The following METTL15 variants were observed in gnomAD, a reference collection of about 807,000 sequenced individuals.
METTL15 encodes 12S rRNA N(4)-cytidine methyltransferase METTL15.
A neutral mutation model predicts 38.3 loss-of-function variants in METTL15; 34 were observed. The observed-to-expected ratio is 0.89, with a 90% CI of 0.68 to 1.18. METTL15 has a LOEUF of 1.18. METTL15 is among the 50% of genes most tolerant of loss of function. The pLI is 0.00. For synonymous variants in METTL15, 162 were observed against 170.9 expected (o/e 0.95, Z 0.41); for missense variants, 438 against 498.4 (o/e 0.88, Z 1.15).
At chr11:28,400,233 CT>C (rs11316701) in intron 5 of METTL15, among the ~76,000 whole-genome samples, 61,252 of 150,148 alleles carry the variant, frequency 0.41, 14,178 homozygotes, top group Admixed American at 0.53. Flanking sequence ...CAAATTTTCT[CT>C]TTTTTTTTTC....
intron 3 of METTL15, among the ~76,000 whole-genome samples, chr11:28,126,379 C>T (rs570882402): frequency 2.0e-4 from 31 of 152,136 alleles, no homozygotes; most frequent in South Asian, 1.0e-3. Context: ...CCTTCTCTAC[C>T]GCCTTCCTCC....
chr11:28,484,445 G>A (rs958015275), intron 6 of METTL15, among the ~76,000 whole-genome samples: 8 of 152,162 alleles, frequency 5.3e-5, no homozygotes, highest in African/African-American at 2.4e-5. Context: ...TCCAGTGGAT[G>A]CCCAGCCTAC....
intron 3 of METTL15, among the ~76,000 whole-genome samples, chr11:28,132,750 T>C (rs2133637073): frequency 6.6e-6 from 1 of 152,304 alleles, no homozygotes; most frequent in South Asian, 2.1e-4. Flanking sequence ...CAGTTGCTTG[T>C]GTTTTGTTTT....
At chr11:28,459,591 G>A (rs1368820141) in intron 6 of METTL15, among the ~76,000 whole-genome samples, 1 of 152,072 alleles carries the variant, frequency 6.6e-6, no homozygotes, top group Non-Finnish European at 1.5e-5. Flanking sequence ...TCAATTTTAG[G>A]AGTTGGGAAA....
chr11:28,137,573 CT>C (rs1247995039), intron 3 of METTL15, among the ~76,000 whole-genome samples: 1 of 152,166 alleles, frequency 6.6e-6, no homozygotes, highest in Non-Finnish European at 1.5e-5. Flanking sequence ...GTCCTCAAGC[CT>C]TATCAAATTG....
intron 6 of METTL15, among the ~76,000 whole-genome samples, chr11:28,313,205 T>C (rs1052321752): frequency 6.6e-6 from 1 of 152,162 alleles, no homozygotes; most frequent in Non-Finnish European, 1.5e-5. Context: ...TATAAGATTA[T>C]TGTAATGATT....
chr11:28,192,332 A>C (rs765946039), intron 3 of METTL15, among the ~76,000 whole-genome samples: 1 of 151,866 alleles, frequency 6.6e-6, no homozygotes, highest in Non-Finnish European at 1.5e-5. Context: ...CCAAAATAAT[A>C]GTTGATTTTG....
chr11:28,374,498 T>C (rs867564805), intron 5 of METTL15, among the ~76,000 whole-genome samples: 1 of 140,172 alleles, frequency 7.1e-6, no homozygotes, highest in Middle Eastern at 3.6e-3. Flanking sequence ...ATGCTTGTGA[T>C]TTTTGTACAT....
At chr11:28,300,124 G>A (rs369706173) in intron 6 of METTL15, among the ~76,000 whole-genome samples, 102 of 152,152 alleles carry the variant, frequency 6.7e-4, no homozygotes, top group African/African-American at 2.3e-3. Context: ...ACGTAGACAT[G>A]AATTGTGGGG....
chr11:28,159,258 A>G (rs1465203691), intron 3 of METTL15, among the ~76,000 whole-genome samples: 3 of 152,136 alleles, frequency 2.0e-5, no homozygotes, highest in Non-Finnish European at 4.4e-5. Context: ...AGATGAAATC[A>G]GTCTACTACG....
intron 3 of METTL15, among the ~76,000 whole-genome samples, chr11:28,139,959 G>A (rs917373722): frequency 1.7e-3 from 2 of 1,146 alleles, no homozygotes; most frequent in African/African-American, 1.9e-3. Context: ...GGGGTGGAAA[G>A]ACTCTGTGGA....
chr11:28,457,350 G>A (rs1564936717), intron 6 of METTL15, among the ~76,000 whole-genome samples: 1 of 152,064 alleles, frequency 6.6e-6, no homozygotes, highest in Non-Finnish European at 1.5e-5. Context: ...TGTTGTTGTT[G>A]TTGTTTTAAA....
At chr11:28,308,505 C>T (rs1857156802) in intron 6 of METTL15, among the ~76,000 whole-genome samples, 1 of 152,000 alleles carries the variant, frequency 6.6e-6, no homozygotes, top group African/African-American at 2.4e-5. Flanking sequence ...TGACACAGTT[C>T]CACTCATAGA....
intron 5 of METTL15, among the ~76,000 whole-genome samples, chr11:28,385,140 T>C (rs1287133555): frequency 6.6e-6 from 1 of 152,196 alleles, no homozygotes; most frequent in Non-Finnish European, 1.5e-5. Context: ...AGAAGCTCTT[T>C]AGTTTAATTA....
At chr11:28,233,785 T>C (rs1336101575) in intron 4 of METTL15, among the ~76,000 whole-genome samples, 1 of 152,040 alleles carries the variant, frequency 6.6e-6, no homozygotes, top group Non-Finnish European at 1.5e-5. Context: ...TTTGAATTCC[T>C]CTGACTCCAT....
intron 6 of METTL15, chr11:28,327,926 G>A (rs1849689953): frequency 1.9e-6 from 1 of 525,668 alleles, no homozygotes; most frequent in African/African-American, 2.1e-5. Context: ...ATAAAGTTAA[G>A]CAGTTATGTT....
At chr11:28,418,252 A>C (rs1850790081) in intron 5 of METTL15, among the ~76,000 whole-genome samples, 1 of 152,156 alleles carries the variant, frequency 6.6e-6, no homozygotes, top group Non-Finnish European at 1.5e-5. Flanking sequence ...CCTAAAATAC[A>C]AGCAAATTGA....
intron 5 of METTL15, among the ~76,000 whole-genome samples, chr11:28,416,345 T>C (rs1400889135): frequency 6.6e-6 from 1 of 152,044 alleles, no homozygotes; most frequent in Non-Finnish European, 1.5e-5. Flanking sequence ...CTGAGAAAAA[T>C]GGTCCCAGGG....
At chr11:28,138,451 A>T (rs1169503409) in intron 3 of METTL15, among the ~76,000 whole-genome samples, 1 of 152,202 alleles carries the variant, frequency 6.6e-6, no homozygotes, top group South Asian at 2.1e-4. Flanking sequence ...AACATTACCA[A>T]AAGTAACCTC....
Sources: allele counts gnomAD v4.1 joint callset (sites outside exome capture counted in the v4.1 genomes callset), GRCh38; gene constraint gnomAD v4.1.1; transcripts MANE v1.5; gene names NCBI Gene and HGNC (gene_info 2026-07-23, HGNC 2026-07-21).